The following ZNF248 variants were observed in gnomAD, a reference collection of about 807,000 sequenced individuals.
ZNF248 encodes zinc finger protein 248.
A neutral mutation model predicts 44.3 loss-of-function variants in ZNF248; 20 were observed. The ratio of observed to expected loss-of-function variants is 0.45; its 90% CI spans 0.32 to 0.66. The LOEUF (loss-of-function observed/expected upper bound fraction) is 0.66. Ranked by LOEUF, ZNF248 falls within the 30% of genes least tolerant of loss-of-function variation. ZNF248 has a pLI of 0.04. For synonymous variants in ZNF248, 224 were observed against 229.0 expected (o/e 0.98, Z 0.20); for missense variants, 654 against 677.0 (o/e 0.97, Z 0.38).
At chr10:37,837,867 G>C in intron 4 of ZNF248, 118 bp downstream of exon 4, 1 of 1,429,098 alleles carries the variant, frequency 7.0e-7, no homozygotes, top group Non-Finnish European at 9.5e-7. Flanking sequence ...CTTTATGGTG[G>C]CCAAATGGGA....
In ZNF248 at chr10:37,830,661, C is replaced by A. The variant is rs2055376277; in HGVS notation, c.*954G>T. On this transcript the variant is annotated 3_prime_UTR_variant, in exon 6 of 6. Coordinates refer to ENST00000395867, the MANE Select transcript of ZNF248 (RefSeq NM_021045.3). ...AGCAGGTTCTCTGAGAAAATTAAAA[C>A]CCTGATTTATAGTTTGTCAATTTCC... 2.1e-6 allele frequency: 2 copies of A among 955,644 alleles called. No homozygotes were observed. The highest frequency in any genetic ancestry group is 5.4e-4 in the Middle Eastern group (1 of 1,852). The allele number at this position is 955,644 out of a possible 1,614,324, so 59.2% of individuals were successfully genotyped here.
At chr10:37,806,739 T>C (rs1230585794) in intron 6 of ZNF248, among the ~76,000 whole-genome samples, 3 of 152,190 alleles carry the variant, frequency 2.0e-5, no homozygotes, top group Non-Finnish European at 2.9e-5. Context: ...AAAAGCGTTA[T>C]AAATTTTGAT....
chr10:37,822,086 T>C (rs1350052693), intron 6 of ZNF248, among the ~76,000 whole-genome samples: 1 of 152,182 alleles, frequency 6.6e-6, no homozygotes, highest in African/African-American at 2.4e-5. Flanking sequence ...ATCACATTGC[T>C]GAATTTAGTG....
chr10:37,794,083 T>A (rs2048866082), intron 6 of ZNF248, among the ~76,000 whole-genome samples: 1 of 152,188 alleles, frequency 6.6e-6, no homozygotes, highest in African/African-American at 2.4e-5. Flanking sequence ...ACGGCTGCAT[T>A]TCATCAGTTC....
intron 6 of ZNF248, among the ~76,000 whole-genome samples, chr10:37,790,164 G>T (rs144812953): frequency 6.6e-6 from 1 of 151,332 alleles, no homozygotes; most frequent in African/African-American, 2.4e-5. Context: ...CCAACTACTC[G>T]GCAGGCTGAG....
rs1180903353 is a variant in ZNF248 at position 37,857,515 on chromosome 10, C to T, written c.-456G>A. ...CCCAGGCGGCAAGTATTCCTAATAT[C>T]CGTAATTTACAGAGAGGAAAACCGA... On this transcript the variant is annotated 5_prime_UTR_variant, in exon 1 of 6. Transcript: ENST00000395867. 6.6e-6 allele frequency: 1 copy of T among 152,258 alleles called. No homozygotes were observed. The highest frequency in any genetic ancestry group is 2.4e-5 in the African/African-American group (1 of 41,462). The allele number at this position is 152,258 out of a possible 1,614,324, so 9.4% of individuals were successfully genotyped here. A position where few individuals can be genotyped will look rare whatever the true frequency, so the allele number is the denominator to read the frequency against.
intron 3 of ZNF248, among the ~76,000 whole-genome samples, chr10:37,855,473 G>A (rs1380908477): frequency 6.6e-6 from 1 of 152,070 alleles, no homozygotes; most frequent in African/African-American, 2.4e-5. Context: ...AGGAAAAACA[G>A]ACCGAGAAGA....
At chr10:37,846,595 A>G (rs572253352) in intron 3 of ZNF248, among the ~76,000 whole-genome samples, 1 of 152,306 alleles carries the variant, frequency 6.6e-6, no homozygotes, top group African/African-American at 2.4e-5. Context: ...GGAGTGAGCC[A>G]TGACTGAGCC....
At chr10:37,802,380 C>T (rs2049941689) in intron 6 of ZNF248, among the ~76,000 whole-genome samples, 1 of 152,200 alleles carries the variant, frequency 6.6e-6, no homozygotes, top group African/African-American at 2.4e-5. Context: ...GTCCCTTTAA[C>T]CCTAAGAACA....
intron 3 of ZNF248, among the ~76,000 whole-genome samples, chr10:37,840,964 T>A (rs2058233364): frequency 6.6e-6 from 1 of 152,160 alleles, no homozygotes; most frequent in Admixed American, 6.5e-5. Flanking sequence ...CACAGCCTCA[T>A]GGCCAAGCTG....
intron 6 of ZNF248, chr10:37,820,474 T>A: frequency 1.9e-6 from 3 of 1,596,278 alleles, no homozygotes; most frequent in Non-Finnish European, 2.6e-6. Context: ...GGGGCTGTTC[T>A]ACTTGTCACA....
chr10:37,808,431 C>G (rs2050938579), intron 6 of ZNF248, among the ~76,000 whole-genome samples: 1 of 151,944 alleles, frequency 6.6e-6, no homozygotes, highest in Non-Finnish European at 1.5e-5. Context: ...TACAAGCACA[C>G]CCCACCACAC....
intron 6 of ZNF248, among the ~76,000 whole-genome samples, chr10:37,809,208 A>G (rs11492508): frequency 0.13 from 20,174 of 151,974 alleles, 1,433 homozygotes; most frequent in Admixed American, 0.2. Flanking sequence ...TTGTTTTTCT[A>G]TTCTTTGTTA....
chr10:37,826,409 C>G (rs1451105732), downstream of ZNF248, among the ~76,000 whole-genome samples: 1 of 152,142 alleles, frequency 6.6e-6, no homozygotes, highest in Non-Finnish European at 1.5e-5. Context: ...ATTTCCTCAT[C>G]ATTACCTACT....
At chr10:37,852,189 G>C (rs574190156) in intron 3 of ZNF248, among the ~76,000 whole-genome samples, 2 of 152,086 alleles carry the variant, frequency 1.3e-5, no homozygotes, top group Middle Eastern at 6.8e-3. Context: ...AGAGATTGCA[G>C]TGAGCCGAGA....
chr10:37,814,870 C>T (rs773690702), intron 6 of ZNF248, among the ~76,000 whole-genome samples: 2 of 152,104 alleles, frequency 1.3e-5, no homozygotes, highest in Non-Finnish European at 2.9e-5. Context: ...TCAGTGTGGG[C>T]CTCTTTGATT....
chr10:37,758,892 T>C, the ZNF248 span, among the ~76,000 whole-genome samples: 1 of 152,218 alleles, frequency 6.6e-6, no homozygotes, highest in Non-Finnish European at 1.5e-5. Flanking sequence ...AGGATATGCG[T>C]TGTCCTTACT....
intron 5 of ZNF248, among the ~76,000 whole-genome samples, chr10:37,836,852 A>G (rs1248282551): frequency 6.6e-6 from 1 of 152,028 alleles, no homozygotes; most frequent in Non-Finnish European, 1.5e-5. Flanking sequence ...GATACCAGGG[A>G]CATTATTCTG....
intron 3 of ZNF248, among the ~76,000 whole-genome samples, chr10:37,851,329 A>G (rs2060190196): frequency 6.6e-6 from 1 of 152,182 alleles, no homozygotes; most frequent in Admixed American, 6.5e-5. Context: ...ATGGTCCTAG[A>G]GATGGTACCA....
Sources: allele counts gnomAD v4.1 joint callset (sites outside exome capture counted in the v4.1 genomes callset), GRCh38; gene constraint gnomAD v4.1.1; transcripts MANE v1.5; gene names NCBI Gene and HGNC (gene_info 2026-07-23, HGNC 2026-07-21).